GPC6: variants seen among roughly 807,000 people sequenced by gnomAD.
GPC6 encodes glypican 6.
In GPC6, 14 loss-of-function variants were observed where a neutral mutation model predicts 55.2. The ratio of observed to expected loss-of-function variants is 0.25; its 90% CI spans 0.17 to 0.40. GPC6 has a LOEUF of 0.40. Ranked by LOEUF, GPC6 falls within the 10% of genes least tolerant of loss-of-function variation. GPC6 has a pLI of 1.00. For missense variants in GPC6, 641 were observed against 708.5 expected (o/e 0.90, Z 1.08); for synonymous variants, 278 against 259.6 (o/e 1.07, Z -0.68).
chr13:94,119,161 C>T (rs1886538420), intron 4 of GPC6, among the ~76,000 whole-genome samples: 2 of 151,954 alleles, frequency 1.3e-5, no homozygotes, highest in Admixed American at 6.6e-5. Context: ...TTACTGAGCA[C>T]CTACTATATG....
chr13:93,967,274 A>G (rs1279357758), intron 3 of GPC6, among the ~76,000 whole-genome samples: 2 of 152,230 alleles, frequency 1.3e-5, no homozygotes, highest in Non-Finnish European at 2.9e-5. Context: ...TGGTGAAGAC[A>G]GACAGTACAA....
chr13:93,939,088 C>T (rs997259647), intron 3 of GPC6, among the ~76,000 whole-genome samples: 4 of 150,526 alleles, frequency 2.7e-5, no homozygotes, highest in African/African-American at 7.3e-5. Context: ...CTGACGGAGA[C>T]GCTGTGTCAA....
At chr13:93,421,414 T>A (rs539079408) in intron 1 of GPC6, among the ~76,000 whole-genome samples, 29 of 152,044 alleles carry the variant, frequency 1.9e-4, no homozygotes, top group South Asian at 8.3e-4. Context: ...TATTTTGTTT[T>A]AAAAAAAACA....
intron 4 of GPC6, among the ~76,000 whole-genome samples, chr13:94,169,062 T>C (rs1192283385): frequency 2.0e-5 from 3 of 152,218 alleles, no homozygotes; most frequent in African/African-American, 7.2e-5. Flanking sequence ...AGGCAGACTT[T>C]AAATTATTAC....
intron 2 of GPC6, among the ~76,000 whole-genome samples, chr13:93,730,063 C>T (rs1883769048): frequency 2.0e-5 from 3 of 152,262 alleles, no homozygotes; most frequent in African/African-American, 7.2e-5. Flanking sequence ...GTGCTGGTCA[C>T]ACAGGCCTGC....
Position 93,454,669 on chromosome 13 carries a change from C to T in GPC6, c.161-90594C>T, listed in dbSNP as rs375027344. On this transcript the variant is annotated intron_variant, in intron 1 of 8. Coordinates refer to ENST00000377047, the MANE Select transcript of GPC6 (RefSeq NM_005708.5). The stretch of plus-strand genomic sequence containing the variant: ...CATTGGTGTATTTACAATCCCTGAG[C>T]TAGACATAAAGGTTCTCCAAGGCCC... Among the ~76,000 whole-genome samples the T allele has an allele frequency of 2.2e-3, 341 of 152,298 alleles. 2 individuals carry two copies. The highest frequency in any genetic ancestry group is 8.0e-3 in the African/African-American group (333 of 41,574).
chr13:94,111,507 AT>A (rs1886248422), intron 4 of GPC6, among the ~76,000 whole-genome samples: 1 of 139,558 alleles, frequency 7.2e-6, no homozygotes, highest in East Asian at 2.2e-4. Flanking sequence ...AATAATAATA[AT>A]AATAAACTTC....
chr13:93,245,245 TG>T (rs1876559528), intron 1 of GPC6, among the ~76,000 whole-genome samples: 1 of 152,240 alleles, frequency 6.6e-6, no homozygotes, highest in South Asian at 2.1e-4. Flanking sequence ...GGCTATAATG[TG>T]GGGCACTGAA....
intron 1 of GPC6, among the ~76,000 whole-genome samples, chr13:93,505,373 C>T (rs948627277): frequency 2.6e-5 from 4 of 152,038 alleles, no homozygotes; most frequent in African/African-American, 9.7e-5. Context: ...TATTAGCATA[C>T]ATCCTTGTTT....
intron 3 of GPC6, among the ~76,000 whole-genome samples, chr13:93,902,270 C>T (rs1429435292): frequency 6.6e-6 from 1 of 152,080 alleles, no homozygotes; most frequent in African/African-American, 2.4e-5. Context: ...AGAACAGCTT[C>T]CTTAGATTCC....
chr13:94,306,973 T>C (rs1333058572), intron 6 of GPC6, among the ~76,000 whole-genome samples: 2 of 152,228 alleles, frequency 1.3e-5, no homozygotes, highest in Non-Finnish European at 2.9e-5. Flanking sequence ...CATCTGACTG[T>C]GTCATATAAA....
intron 3 of GPC6, among the ~76,000 whole-genome samples, chr13:93,841,121 A>C (rs1404069823): frequency 6.6e-6 from 1 of 152,066 alleles, no homozygotes; most frequent in Admixed American, 6.6e-5. Flanking sequence ...TTTCTATTTT[A>C]TTGTCCCATC....
intron 3 of GPC6, among the ~76,000 whole-genome samples, chr13:93,977,761 G>C (rs1044523223): frequency 2.0e-5 from 3 of 152,044 alleles, no homozygotes; most frequent in African/African-American, 7.2e-5. Flanking sequence ...TCCTACCTAA[G>C]GACTGCTGCT....
At chr13:94,080,241 T>G (rs762040390) in intron 4 of GPC6, among the ~76,000 whole-genome samples, 25 of 152,216 alleles carry the variant, frequency 1.6e-4, no homozygotes, top group Non-Finnish European at 3.4e-4. Context: ...TTAAGGTTTG[T>G]GAATCTCAGC....
intron 1 of GPC6, among the ~76,000 whole-genome samples, chr13:93,387,499 A>G (rs1424398665): frequency 6.6e-6 from 1 of 152,214 alleles, no homozygotes; most frequent in East Asian, 1.9e-4. Flanking sequence ...TGCAAAGGAT[A>G]TGAACTCATT....
In GPC6 at chr13:94,334,623, A is replaced by G. The variant is rs181414864; in HGVS notation, c.1152+28500A>G. Among the ~76,000 whole-genome samples the G allele has an allele frequency of 4.4e-4, 67 of 152,320 alleles. No individual in the cohort carries two copies. In the East Asian group the frequency reaches 8.9e-3, roughly 20 times the overall value. ...CCCATTCCAGACCTACGGAAACTGA[A>G]ACTCCAAGTGGGGCCCCAAAATTGT... On this transcript the variant is annotated intron_variant, in intron 6 of 8. Transcript: ENST00000377047.
At chr13:93,620,166 T>G (rs898913501) in intron 2 of GPC6, among the ~76,000 whole-genome samples, 6 of 152,188 alleles carry the variant, frequency 3.9e-5, no homozygotes, top group South Asian at 2.1e-4. Context: ...AGTAAGATGT[T>G]CTCTGCCAAA....
At chr13:93,490,967 C>A (rs1225782081) in intron 1 of GPC6, among the ~76,000 whole-genome samples, 12 of 70,302 alleles carry the variant, frequency 1.7e-4, no homozygotes, top group African/African-American at 5.9e-4. Flanking sequence ...GTGAATAATG[C>A]CGCAATAAAC....
At chr13:93,339,614 G>C (rs905950964) in intron 1 of GPC6, among the ~76,000 whole-genome samples, 3 of 152,298 alleles carry the variant, frequency 2.0e-5, no homozygotes, top group African/African-American at 7.2e-5. Context: ...GTAAGGGGTG[G>C]AATGAATTTT....
Sources: gnomAD v4.1 joint callset for allele counts (sites outside exome capture counted in the v4.1 genomes callset) on GRCh38, gnomAD v4.1.1 for gene constraint, MANE v1.5 for transcripts, NCBI Gene and HGNC (gene_info 2026-07-23, HGNC 2026-07-21) for gene names.